The following XPR1 variants were observed in gnomAD, a reference collection of about 807,000 sequenced individuals.
The protein encoded by XPR1 is solute carrier family 53 member 1.
XPR1 carries 28 observed loss-of-function variants against 87.5 expected under a neutral mutation model. That is an observed-to-expected ratio of 0.32 (90% CI 0.24 to 0.44). The LOEUF is 0.44. Ranked by LOEUF, XPR1 falls within the 20% of genes least tolerant of loss-of-function variation. The pLI is 1.00. For synonymous variants in XPR1, 300 were observed against 306.1 expected, an observed-to-expected ratio of 0.98 and a Z score of 0.21; for missense variants, 559 against 862.3, an observed-to-expected ratio of 0.65 and a Z score of 4.41.
intron 9 of XPR1, among the ~76,000 whole-genome samples, chr1:180,826,971 T>C (rs2102155039): frequency 6.6e-6 from 1 of 151,266 alleles, no homozygotes; most frequent in East Asian, 2.0e-4. Context: ...CTGGCTAACA[T>C]GGCAAAACCC....
In XPR1 at chr1:180,718,909, C is replaced by T. The variant is rs183268083; in HGVS notation, c.121+36498C>T. Among the ~76,000 whole-genome samples, 48 of 152,176 alleles carry T rather than the reference C, an allele frequency of 3.2e-4. 1 individual carries two copies. Among genetic ancestry groups the T allele is most frequent in the Middle Eastern group, 3.4e-3 (1 of 294 alleles). ...GTCTCAATCTCCTGACCTCATGATC[C>T]GCCCACCTTGGCCTCCCAAAGTGCT... is the stretch of plus-strand genomic sequence containing the variant. On this transcript the variant is annotated intron_variant, in intron 2 of 14. Transcript: ENST00000367590.
chr1:180,834,406 A>G (rs1035042247), intron 9 of XPR1, among the ~76,000 whole-genome samples: 10 of 152,236 alleles, frequency 6.6e-5, no homozygotes, highest in Non-Finnish European at 1.2e-4. Flanking sequence ...GTACAACTTT[A>G]GTTAATGGCT....
chr1:180,788,886 G>A (rs1475615629), intron 3 of XPR1, among the ~76,000 whole-genome samples: 1 of 152,110 alleles, frequency 6.6e-6, no homozygotes, highest in Non-Finnish European at 1.5e-5. Context: ...TTACTAATTT[G>A]TTTTTCGGAT....
intron 2 of XPR1, among the ~76,000 whole-genome samples, chr1:180,729,710 GTGTC>G (rs1658486500): frequency 6.6e-6 from 1 of 152,134 alleles, no homozygotes; most frequent in Non-Finnish European, 1.5e-5. Flanking sequence ...CTTTTGTAAA[GTGTC>G]TGTTCATGTC....
intron 2 of XPR1, among the ~76,000 whole-genome samples, chr1:180,743,004 C>T (rs921265321): frequency 6.6e-6 from 1 of 151,922 alleles, no homozygotes; most frequent in Non-Finnish European, 1.5e-5. Context: ...TTTTAAACTT[C>T]ACTTTATATT....
chr1:180,799,189 C>A (rs984575412), intron 3 of XPR1, among the ~76,000 whole-genome samples: 1 of 152,162 alleles, frequency 6.6e-6, no homozygotes, highest in African/African-American at 2.4e-5. Flanking sequence ...GCATTTTCCC[C>A]TTGAGAACTA....
chr1:180,844,409 A>G (rs1418890019), intron 11 of XPR1, among the ~76,000 whole-genome samples: 1 of 152,224 alleles, frequency 6.6e-6, no homozygotes, highest in Non-Finnish European at 1.5e-5. Context: ...ATTTACAGCA[A>G]AAAGAAAAGA....
chr1:180,765,078 C>T (rs970579611), intron 2 of XPR1, among the ~76,000 whole-genome samples: 1 of 152,182 alleles, frequency 6.6e-6, no homozygotes, highest in Non-Finnish European at 1.5e-5. Context: ...AGCTACCGCG[C>T]TCGGCCCTTA....
At chr1:180,740,607 G>T (rs992015533) in intron 2 of XPR1, among the ~76,000 whole-genome samples, 1 of 152,066 alleles carries the variant, frequency 6.6e-6, no homozygotes, top group Non-Finnish European at 1.5e-5. Context: ...AGGGATATTG[G>T]TCTGTAGTTT....
intron 3 of XPR1, among the ~76,000 whole-genome samples, chr1:180,801,587 GGAGAAA>G (rs1398802263): frequency 6.6e-6 from 1 of 152,082 alleles, no homozygotes; most frequent in Non-Finnish European, 1.5e-5. Context: ...AAATTCTCTA[GGAGAAA>G]GAGAGAGTGA....
chr1:180,784,054 TA>T (rs200959925), intron 2 of XPR1, among the ~76,000 whole-genome samples: 13 of 150,732 alleles, frequency 8.6e-5, no homozygotes, highest in Admixed American at 6.7e-4. Flanking sequence ...GACTCTGTCT[TA>T]AAAAAAAACA....
chr1:180,845,397 G>A (rs564444361), intron 11 of XPR1, among the ~76,000 whole-genome samples: 1 of 152,310 alleles, frequency 6.6e-6, no homozygotes, highest in South Asian at 2.1e-4. Flanking sequence ...TCTAACAAAT[G>A]TTCAGCAATA....
At chr1:180,699,018 A>T (rs1252929510) in intron 2 of XPR1, among the ~76,000 whole-genome samples, 1 of 152,084 alleles carries the variant, frequency 6.6e-6, no homozygotes, top group African/African-American at 2.4e-5. Context: ...CTGTTTGGGA[A>T]TTATTGAGCT....
intron 13 of XPR1, among the ~76,000 whole-genome samples, chr1:180,875,918 T>C (rs34451113): frequency 0.21 from 32,360 of 152,128 alleles, 3,635 homozygotes; most frequent in East Asian, 0.28. Context: ...TGAGCAACTT[T>C]ATATCAATAA....
rs574828498 is a variant in XPR1, at chr1:180,801,868, C to T, written c.224-1520C>T. Among the ~76,000 whole-genome samples the T allele has an allele frequency of 3.5e-3, 532 of 151,400 alleles. 2 individuals carry two copies. Among genetic ancestry groups the T allele is most frequent in the Non-Finnish European group, 5.3e-3 (359 of 67,920 alleles). ...CAATCTCGGCTCACTGCAGCCTCTG[C>T]TCACTGCAACCTCTGCCTCCCGAAT... On this transcript the variant is annotated intron_variant, in intron 3 of 14. Coordinates refer to ENST00000367590, the MANE Select transcript of XPR1 (RefSeq NM_004736.4).
chr1:180,669,304 T>C (rs1656073659), intron 1 of XPR1, among the ~76,000 whole-genome samples: 1 of 152,198 alleles, frequency 6.6e-6, no homozygotes, highest in Admixed American at 6.5e-5. Context: ...TATTTTTTTC[T>C]CTTCAATTCT....
chr1:180,737,739 A>C (rs1236180795), intron 2 of XPR1, among the ~76,000 whole-genome samples: 1 of 152,300 alleles, frequency 6.6e-6, no homozygotes, highest in East Asian at 1.9e-4. Flanking sequence ...CTCTTTCCAT[A>C]CAGCATAACC....
intron 11 of XPR1, among the ~76,000 whole-genome samples, chr1:180,857,905 G>A (rs756656822): frequency 2.0e-5 from 3 of 152,104 alleles, no homozygotes; most frequent in Non-Finnish European, 2.9e-5. Flanking sequence ...GAATTCCTAT[G>A]TACTATTTTT....
At chr1:180,648,682 A>G (rs1655197509) in intron 1 of XPR1, among the ~76,000 whole-genome samples, 1 of 151,788 alleles carries the variant, frequency 6.6e-6, no homozygotes, top group East Asian at 1.9e-4. Flanking sequence ...CATGTTTTGT[A>G]TTTTCGGTAG....
Sources: allele counts gnomAD v4.1 joint callset (sites outside exome capture counted in the v4.1 genomes callset), GRCh38; gene constraint gnomAD v4.1.1; transcripts MANE v1.5; gene names NCBI Gene and HGNC (gene_info 2026-07-23, HGNC 2026-07-21).